CPNE1: variants seen among roughly 807,000 people sequenced by gnomAD.
CPNE1 encodes the protein copine 1, also known as copine-1.
Under a neutral mutation model 63.2 loss-of-function variants are expected in CPNE1, and 58 were observed. The observed-to-expected ratio is 0.92, with a 90% CI of 0.74 to 1.14. The LOEUF (loss-of-function observed/expected upper bound fraction) is 1.14, where lower values mean the gene tolerates loss of function less well. CPNE1 is among the 50% of genes most tolerant of loss of function. The pLI, the probability that CPNE1 is intolerant of heterozygous loss-of-function variation, is 0.00. For synonymous variants in CPNE1, 237 were observed against 249.0 expected (o/e 0.95, Z 0.45); for missense variants, 672 against 661.7 (o/e 1.02, Z -0.17).
chr20:35,637,633 T>C (rs985308236), intron 1 of CPNE1, among the ~76,000 whole-genome samples: 3 of 152,238 alleles, frequency 2.0e-5, no homozygotes, highest in Non-Finnish European at 4.4e-5. Flanking sequence ...ATGACTGCGA[T>C]GTTTCCTCAT....
intron 1 of CPNE1, among the ~76,000 whole-genome samples, chr20:35,645,157 T>C (rs1343807182): frequency 1.3e-5 from 2 of 151,960 alleles, no homozygotes; most frequent in African/African-American, 4.8e-5. Flanking sequence ...CAGCACAAAA[T>C]GAGATGAGTA....
At chr20:35,644,233 C>T (rs531625484) in intron 1 of CPNE1, among the ~76,000 whole-genome samples, 1 of 152,278 alleles carries the variant, frequency 6.6e-6, no homozygotes, top group South Asian at 2.1e-4. Context: ...TCATTAACTC[C>T]TTCTTGGTTA....
chr20:35,649,541 T>C (rs1037637139), intron 1 of CPNE1: 2 of 152,648 alleles, frequency 1.3e-5, no homozygotes, highest in Non-Finnish European at 2.9e-5. Flanking sequence ...AGTACAAAGC[T>C]AGGAACTACA....
intron 1 of CPNE1, among the ~76,000 whole-genome samples, chr20:35,635,601 C>T (rs1453765786): frequency 6.6e-6 from 1 of 152,158 alleles, no homozygotes. Context: ...CACCCTCAGA[C>T]CTCTTGTTAT....
chr20:35,639,988 A>C (rs1484167407), intron 1 of CPNE1, among the ~76,000 whole-genome samples: 2 of 152,272 alleles, frequency 1.3e-5, no homozygotes, highest in South Asian at 2.1e-4. Flanking sequence ...TGTGTGCCTC[A>C]GTAGGATAAG....
chr20:35,661,922 C>T (rs1266324642), intron 1 of CPNE1, among the ~76,000 whole-genome samples: 1 of 152,168 alleles, frequency 6.6e-6, no homozygotes, highest in Non-Finnish European at 1.5e-5. Flanking sequence ...CAAATGTTCA[C>T]CTCAGAGATT....
intron 1 of CPNE1, chr20:35,652,384 C>T: frequency 1.1e-6 from 1 of 949,230 alleles, no homozygotes; most frequent in Non-Finnish European, 1.6e-6. Flanking sequence ...AACAGTCAAC[C>T]AATGCTCTAT....
intron 1 of CPNE1, among the ~76,000 whole-genome samples, chr20:35,646,794 G>A (rs1390555765): frequency 6.6e-6 from 1 of 152,134 alleles, no homozygotes; most frequent in African/African-American, 2.4e-5. Context: ...ACTGAATTAT[G>A]TTCTCTTGCT....
chr20:35,630,395 C>T (rs757260006), intron 13 of CPNE1, 44 bp downstream of exon 13: 3 of 1,556,958 alleles, frequency 1.9e-6, no homozygotes, highest in African/African-American at 1.4e-5. Flanking sequence ...GCTTGCCCCT[C>T]TTTGTGTGGA....
intron 1 of CPNE1, among the ~76,000 whole-genome samples, chr20:35,648,064 CAAA>C (rs35084370): frequency 7.6e-6 from 1 of 131,412 alleles, no homozygotes; most frequent in African/African-American, 2.7e-5. Context: ...GACTCCATCT[CAAA>C]AAAAAAAAAA....
intron 1 of CPNE1, among the ~76,000 whole-genome samples, chr20:35,639,125 C>T (rs1311746438): frequency 6.7e-6 from 1 of 148,356 alleles, no homozygotes; most frequent in African/African-American, 2.5e-5. Context: ...AACCCATAAA[C>T]AAATGTTGCA....
At chr20:35,636,130 G>C (rs1323547707) in intron 1 of CPNE1, among the ~76,000 whole-genome samples, 1 of 152,216 alleles carries the variant, frequency 6.6e-6, no homozygotes, top group African/African-American at 2.4e-5. Context: ...GAAATCTGGA[G>C]AAACAGCCGC....
intron 1 of CPNE1, chr20:35,653,188 G>T: frequency 6.2e-7 from 1 of 1,613,468 alleles, no homozygotes; most frequent in Non-Finnish European, 8.5e-7. Context: ...GGCTTCCTTT[G>T]ATCCTACAGT....
Position 35,653,030 on chromosome 20 carries a change from G to A in CPNE1, c.-1+11730C>T, listed in dbSNP as rs766298906. 6.2e-6 allele frequency: 10 copies of A among 1,613,816 alleles called. No homozygotes were observed. The South Asian group carries it at 1.1e-4, about 18-fold the overall frequency. ...CCAAAACCCGGAACATCCAGTCCTA[G>A]ACCAGGCAAACCACTGTTTCCAACT... On this transcript the variant is annotated intron_variant, in intron 1 of 15. Transcript: ENST00000397443.
chr20:35,643,498 T>C (rs1601443969), intron 1 of CPNE1: 1 of 152,264 alleles, frequency 6.6e-6, no homozygotes, highest in East Asian at 1.9e-4. Context: ...ACACCTGTAA[T>C]CCCAGCACTT....
At chr20:35,652,634 T>C in intron 1 of CPNE1, 1 of 1,614,194 alleles carries the variant, frequency 6.2e-7, no homozygotes, top group Non-Finnish European at 8.5e-7. Context: ...GCTTCACCTG[T>C]GGGCATACCT....
Position 35,647,143 on chromosome 20 carries a change from T to C in CPNE1, c.1-14220A>G, listed in dbSNP as rs2033156242. Among the ~76,000 whole-genome samples, 3 of 151,710 alleles carry C rather than the reference T, an allele frequency of 2.0e-5. No homozygotes were observed. In the South Asian group the frequency reaches 6.2e-4, roughly 32 times the overall value. ...CTGGCCAACATGGTGAAACCCCATC[T>C]CTACTAAAAATACAAAAAAAATTAG... is the stretch of plus-strand genomic sequence containing the variant. On this transcript the variant is annotated intron_variant, in intron 1 of 15. Transcript: ENST00000397443.
At chr20:35,649,586 A>C (rs561213997) in intron 1 of CPNE1, 1 of 152,774 alleles carries the variant, frequency 6.5e-6, no homozygotes, top group African/African-American at 2.4e-5. Context: ...TTAAAAAGCC[A>C]CTAATAATAA....
intron 1 of CPNE1, chr20:35,658,920 A>G (rs1390603749): frequency 1.3e-5 from 9 of 714,138 alleles, no homozygotes; most frequent in Non-Finnish European, 2.1e-5. Flanking sequence ...CTCTATTCAA[A>G]ATCTCTTACC....
Sources: gnomAD v4.1 joint callset for allele counts (sites outside exome capture counted in the v4.1 genomes callset) on GRCh38, gnomAD v4.1.1 for gene constraint, MANE v1.5 for transcripts, NCBI Gene and HGNC (gene_info 2026-07-23, HGNC 2026-07-21) for gene names.